Variants in TTI1 observed in about 807,000 individuals in gnomAD.
TTI1 encodes the protein TELO2-interacting protein 1 homolog.
Under a neutral mutation model 85.4 loss-of-function variants are expected in TTI1, and 52 were observed. The ratio of observed to expected loss-of-function variants is 0.61; its 90% confidence interval spans 0.49 to 0.77. The LOEUF (loss-of-function observed/expected upper bound fraction) is 0.77. TTI1 is among the 30% of genes least tolerant of loss of function. TTI1 has a pLI of 0.00. For missense variants in TTI1, 1,173 were observed against 1,296.0 expected, an observed-to-expected ratio of 0.91 and a Z score of 1.46; for synonymous variants, 512 against 503.9, an observed-to-expected ratio of 1.02 and a Z score of -0.22.
intron 7 of TTI1, among the ~76,000 whole-genome samples, chr20:37,988,934 T>C (rs1466978095): frequency 1.3e-5 from 2 of 152,234 alleles, no homozygotes; most frequent in Admixed American, 1.3e-4. Context: ...GGAGGCTGTG[T>C]GTTTCCTTTT....
chr20:38,002,709 T>C lies in TTI1; in HGVS notation c.2571A>G (p.Pro857=), dbSNP rs781292911. 1 of 1,614,228 alleles carries C rather than the reference T, an allele frequency of 6.2e-7. No individual in the cohort carries two copies. The highest frequency in any genetic ancestry group is 2.2e-5 in the East Asian group (1 of 44,886). ...DTRPDVEPPL[P]LQIQIAMDVM... ...CGTCCATGGCTATTTGGATCTGCAA[T>C]GGCAGTGGTGGCTCCACATCTGGAC... Residue 857 remains proline (P), a synonymous_variant, in exon 4 of 8, where the codon CCA becomes CCG. Coordinates refer to ENST00000373447, the MANE Select transcript of TTI1 (RefSeq NM_001303457.2).
intron 1 of TTI1, among the ~76,000 whole-genome samples, chr20:38,022,505 A>T (rs531858921): frequency 2.6e-4 from 40 of 152,306 alleles, no homozygotes; most frequent in Admixed American, 9.1e-4. Context: ...TGCTCATTGA[A>T]TTAGTGGTCA....
In TTI1 at chr20:37,983,215, C is replaced by A; in HGVS notation, c.*241G>T. 2.2e-6 allele frequency: 1 copy of A among 450,760 alleles called. No individual in the cohort carries two copies. The highest frequency in any genetic ancestry group is 2.1e-5 in the South Asian group (1 of 46,980). 27.9% of individuals were successfully genotyped at this position (450,760 alleles called of 1,614,324 possible). ...AGAGATGGTAGGCTAAGGGGTTAAA[C>A]CCTTAGAGCCACCAGACAATGTCAC... On this transcript the variant is annotated 3_prime_UTR_variant, in exon 8 of 8. Coordinates refer to ENST00000373447, the MANE Select transcript of TTI1 (RefSeq NM_001303457.2).
chr20:38,028,785 T>G (rs1388443109), intron 1 of TTI1, among the ~76,000 whole-genome samples: 1 of 152,220 alleles, frequency 6.6e-6, no homozygotes, highest in Non-Finnish European at 1.5e-5. Context: ...GATGGCTCAC[T>G]GCAGCCTCAA....
chr20:37,991,369 G>A (rs1338548763), intron 7 of TTI1, among the ~76,000 whole-genome samples: 4 of 152,192 alleles, frequency 2.6e-5, no homozygotes, highest in Non-Finnish European at 4.4e-5. Flanking sequence ...CTCCTCATCC[G>A]TTCAAATATA....
At position 37,983,509 on chromosome 20, in the gene TTI1, G is replaced by A; in HGVS notation, c.3217C>T (p.Gln1073Ter). The A allele has an allele frequency of 6.2e-7, 1 of 1,611,324 alleles. No homozygotes were observed. The highest frequency in any genetic ancestry group is 8.5e-7 in the Non-Finnish European group (1 of 1,179,584). The change falls in exon 8 of 8, where the codon CAG becomes TAG. Residue 1073 changes from glutamine to a stop codon, truncating the protein, a stop_gained. Coordinates refer to ENST00000373447, the MANE Select transcript of TTI1 (RefSeq NM_001303457.2). LOFTEE classifies it high-confidence loss of function. ...HPVQLHGASG[Q>*]QNPYTTNVLQ... Reference sequence around the variant, plus strand: ...ACGTTGGTCGTGTAGGGGTTCTGCTGCCCGCTGGCCCCGTGCAGCTGCACA... The same window carrying A: ...ACGTTGGTCGTGTAGGGGTTCTGCTACCCGCTGGCCCCGTGCAGCTGCACA...
At chr20:37,999,535 C>A (rs1393862311) in intron 4 of TTI1, among the ~76,000 whole-genome samples, 1 of 152,106 alleles carries the variant, frequency 6.6e-6, no homozygotes, top group Non-Finnish European at 1.5e-5. Context: ...GGTTCATGGT[C>A]AGCTGGGGAA....
chr20:37,984,003 A>G (rs1336565385), intron 7 of TTI1, among the ~76,000 whole-genome samples: 1 of 152,222 alleles, frequency 6.6e-6, no homozygotes, highest in Non-Finnish European at 1.5e-5. Flanking sequence ...CCTTTCTTAA[A>G]GGCTTTGCTC....
intron 2 of TTI1, 86 bp from the exon 3 acceptor site, chr20:38,006,483 C>T (rs773876658): frequency 5.6e-6 from 8 of 1,431,500 alleles, no homozygotes; most frequent in Non-Finnish European, 6.8e-6. Flanking sequence ...TCTGCCCTGG[C>T]CTGCACAGCC....
chr20:38,012,928 A>G lies in TTI1; in HGVS notation c.889T>C (p.Cys297Arg), dbSNP rs1160011877. The G allele has an allele frequency of 6.2e-7, 1 of 1,614,070 alleles. No homozygotes were observed. Among genetic ancestry groups the G allele is most frequent in the South Asian group, 1.1e-5 (1 of 91,080 alleles). ...LTILIKKIIECVSVHPHWKVR... is the reference protein window; with the variant it reads ...LTILIKKIIERVSVHPHWKVR... ...TTCCAGTGTGGGTGAACAGAAACAC[A>G]CTCAATTATCTTTTTAATAAGGATA... Residue 297 changes from cysteine (C) to arginine (R), a missense_variant, in exon 2 of 8, where the codon TGT becomes CGT. Transcript: ENST00000373447.
intron 1 of TTI1, among the ~76,000 whole-genome samples, chr20:38,028,971 T>C (rs764620979): frequency 6.6e-6 from 1 of 152,186 alleles, no homozygotes; most frequent in Non-Finnish European, 1.5e-5. Flanking sequence ...CCTCCCAAAG[T>C]GTTAAGATTA....
At chr20:38,020,350 ATATG>A (rs1279552871) in intron 1 of TTI1, among the ~76,000 whole-genome samples, 1,604 of 125,518 alleles carry the variant, frequency 0.013, 11 homozygotes, top group Non-Finnish European at 0.017. Context: ...ATATATATAT[ATATG>A]TATGTATCTT....
chr20:37,994,296 G>A (rs1450548917), intron 7 of TTI1, among the ~76,000 whole-genome samples: 2 of 152,128 alleles, frequency 1.3e-5, no homozygotes, highest in African/African-American at 4.8e-5. Flanking sequence ...ACCATGCCCA[G>A]CTAACTTTTT....
intron 1 of TTI1, among the ~76,000 whole-genome samples, chr20:38,018,437 T>C (rs1416602297): frequency 6.6e-6 from 1 of 152,018 alleles, no homozygotes; most frequent in Admixed American, 6.5e-5. Flanking sequence ...CAAACTCAAT[T>C]AGAAAAATGA....
chr20:38,030,180 C>T (rs1056403907), intron 1 of TTI1, among the ~76,000 whole-genome samples: 2 of 142,344 alleles, frequency 1.4e-5, no homozygotes, highest in African/African-American at 5.2e-5. Flanking sequence ...CTGAATTTGT[C>T]ACTTAAAAAC....
chr20:37,999,117 A>G (rs1340836496), intron 5 of TTI1, 71 bp downstream of exon 5: 1 of 1,311,894 alleles, frequency 7.6e-7, no homozygotes, highest in African/African-American at 1.5e-5. Flanking sequence ...ACCAATCCAA[A>G]AGGCCCCGGT....
rs772839935 is a variant in TTI1 at position 38,020,310 on chromosome 20, G to GA, written c.-41-6454dup. On this transcript the variant is annotated intron_variant, in intron 1 of 7. Coordinates refer to ENST00000373447, the MANE Select transcript of TTI1 (RefSeq NM_001303457.2). The stretch of plus-strand genomic sequence containing the variant: ...TGCTATGTCACTTGGCTACTCATAT[G>GA]AAAAAAAAAAAAAATATATATATAT... Among the ~76,000 whole-genome samples the GA allele has an allele frequency of 2.9e-3, 140 of 48,252 alleles. 3 individuals carry two copies. The highest frequency in any genetic ancestry group is 8.0e-3 in the East Asian group (13 of 1,630). The allele number at this position is 48,252 out of a possible 152,430, so 31.7% of individuals were successfully genotyped here.
rs180815143 is a variant in TTI1, at chr20:38,019,713, G to A, written c.-41-5856C>T. Among the ~76,000 whole-genome samples, 58 of 152,316 alleles carry A rather than the reference G, an allele frequency of 3.8e-4. 1 individual carries two copies. In the East Asian group the frequency reaches 7.1e-3, roughly 19 times the overall value. On this transcript the variant is annotated intron_variant, in intron 1 of 7. Coordinates refer to ENST00000373447, the MANE Select transcript of TTI1 (RefSeq NM_001303457.2). ...AAGTCTGAAGTACAACTAAAACAGCGATTACATTTGTGCAGAGTTTCTCAA... is the reference window on the plus strand; with the variant it reads ...AAGTCTGAAGTACAACTAAAACAGCAATTACATTTGTGCAGAGTTTCTCAA...
At chr20:38,001,666 C>T (rs765879582) in intron 4 of TTI1, among the ~76,000 whole-genome samples, 18 of 152,158 alleles carry the variant, frequency 1.2e-4, no homozygotes, top group Admixed American at 2.6e-4. Flanking sequence ...CACCCCTGAG[C>T]AAGGCAATGT....
Sources: allele counts gnomAD v4.1 joint callset (sites outside exome capture counted in the v4.1 genomes callset), GRCh38; gene constraint gnomAD v4.1.1; transcripts MANE v1.5; gene names NCBI Gene and HGNC (gene_info 2026-07-23, HGNC 2026-07-21).